The following PCF11 variants were observed in gnomAD, a reference collection of about 807,000 sequenced individuals.
PCF11 encodes the protein pre-mRNA cleavage complex 2 protein Pcf11.
PCF11 carries 19 observed loss-of-function variants against 166.1 expected under a neutral mutation model. The ratio of observed to expected loss-of-function variants is 0.11; its 90% CI spans 0.08 to 0.17. The LOEUF (loss-of-function observed/expected upper bound fraction) is 0.17, where lower values mean the gene tolerates loss of function less well. PCF11 is among the 10% of genes least tolerant of loss of function. The pLI, the probability that PCF11 is intolerant of heterozygous loss-of-function variation, is 1.00. For synonymous variants in PCF11, 663 were observed against 644.1 expected (o/e 1.03, Z -0.44); for missense variants, 1,565 against 1,855.5 (o/e 0.84, Z 2.88).
intron 1 of PCF11, 58 bp from the exon 2 acceptor site, chr11:83,161,269 T>C: frequency 7.0e-7 from 1 of 1,424,482 alleles, no homozygotes; most frequent in Non-Finnish European, 9.6e-7. Context: ...AACTCATTTT[T>C]AAATAATTAT....
At chr11:83,184,371 T>G in intron 15 of PCF11, 1 of 254,740 alleles carries the variant, frequency 3.9e-6, no homozygotes, top group Non-Finnish European at 7.4e-6. Context: ...CCAGGATATA[T>G]GTATGAGTTT....
chr11:83,169,680 A>G (rs1590929282), exon 8 of PCF11: 3 of 1,614,008 alleles, frequency 1.9e-6, no homozygotes, highest in Non-Finnish European at 2.5e-6. Flanking sequence ...AAGGCACAAG[A>G]TTTGACAATC....
chr11:83,166,728 A>AT lies in PCF11; in HGVS notation c.1817+18dup, dbSNP rs1171476564. 1 of 1,565,776 alleles carries AT rather than the reference A, an allele frequency of 6.4e-7. No homozygotes were observed. The highest frequency in any genetic ancestry group is 1.4e-5 in the African/African-American group (1 of 72,536). Reference sequence around the variant, plus strand: ...AGAAAATAAAAGGTATGATGTTAACATTTTAAGTCAAGTGTAGTAGTGTAT... The same window carrying AT: ...AGAAAATAAAAGGTATGATGTTAACATTTTTAAGTCAAGTGTAGTAGTGTAT... On this transcript the variant is annotated intron_variant, in intron 5 of 15. Transcript: ENST00000298281.
intron 14 of PCF11, 123 bp downstream of exon 14, chr11:83,182,614 G>T (rs61900269): frequency 1.5e-5 from 9 of 613,936 alleles, no homozygotes; most frequent in Non-Finnish European, 2.6e-5. Context: ...AATAAAAAGG[G>T]TATTGGACTT....
intron 9 of PCF11, 61 bp downstream of exon 9, chr11:83,171,975 T>C: frequency 1.2e-6 from 1 of 816,636 alleles, no homozygotes; most frequent in South Asian, 1.4e-5. Context: ...GTTGAATAGC[T>C]AACTTTGTGA....
chr11:83,179,428 T>G (rs921507349), intron 11 of PCF11, among the ~76,000 whole-genome samples: 3 of 151,994 alleles, frequency 2.0e-5, no homozygotes, highest in African/African-American at 7.2e-5. Flanking sequence ...TTTTGTATTT[T>G]TAGTAGAGAT....
At chr11:83,166,779 A>C in intron 5 of PCF11, 65 bp downstream of exon 5, 1 of 1,413,610 alleles carries the variant, frequency 7.1e-7, no homozygotes, top group Non-Finnish European at 9.6e-7. Flanking sequence ...GTGTTAATTT[A>C]AAAATTGGAA....
Position 83,182,022 on chromosome 11 carries a change from C to T in PCF11, c.4323+13C>T, listed in dbSNP as rs200215029. On this transcript the variant is annotated intron_variant, in intron 13 of 15. Transcript: ENST00000298281. ...TGGAGCAGTTGAGGTGAGAGAAGAA[C>T]GTTTAAGTTTTCTCACAGTGGGAGT... The T allele has an allele frequency of 1.3e-4, 211 of 1,586,904 alleles. 2 individuals are homozygous for T. Among genetic ancestry groups the T allele is most frequent in the African/African-American group, 6.7e-4 (49 of 73,204 alleles).
rs189850657 is a variant in PCF11, at chr11:83,170,385, C to A, written c.3660+390C>A. Among the ~76,000 whole-genome samples, 3 of 152,226 alleles carry A rather than the reference C, an allele frequency of 2.0e-5. No individual in the cohort carries two copies. The East Asian group carries it at 5.8e-4, about 29-fold the overall frequency. ...TAGAATTGATTGAACTGTTCTTTGA[C>A]CAAGAATTTCCTTAACCTGAGTTAA... On this transcript the variant is annotated intron_variant, in intron 8 of 15. Transcript: ENST00000298281.
chr11:83,186,098 A>G (rs538780425), exon 16 of PCF11: 77 of 152,292 alleles, frequency 5.1e-4, no homozygotes, highest in Non-Finnish European at 7.4e-4. Flanking sequence ...TAAAATTTTT[A>G]TAAGAATTTG....
chr11:83,161,100 G>A (rs1860234468), intron 1 of PCF11, among the ~76,000 whole-genome samples: 1 of 152,228 alleles, frequency 6.6e-6, no homozygotes, highest in East Asian at 1.9e-4. Flanking sequence ...GAGTATATTA[G>A]GGATTACAGC....
chr11:83,169,060 G>C, exon 8 of PCF11: 1 of 1,613,664 alleles, frequency 6.2e-7, no homozygotes, highest in Non-Finnish European at 8.5e-7. Flanking sequence ...TAATCCCCGA[G>C]GTCAGCCTGT....
rs1035080037 is a variant in PCF11 at position 83,183,121 on chromosome 11, T to C, written c.4452+48T>C. On this transcript the variant is annotated intron_variant, in intron 15 of 15. Transcript: ENST00000298281. ...ATTTGTTCTCATTTGCATTAATAAA[T>C]TTTACTTTTCAGTTTTTTTTTTGCA... The C allele has an allele frequency of 4.3e-6, 5 of 1,152,692 alleles. No individual in the cohort carries two copies. In the African/African-American group the frequency reaches 7.9e-5, roughly 18 times the overall value. The allele number at this position is 1,152,692 out of a possible 1,614,324, so 71.4% of individuals were successfully genotyped here.
At chr11:83,179,143 G>C (rs1251917211) in intron 11 of PCF11, among the ~76,000 whole-genome samples, 1 of 151,450 alleles carries the variant, frequency 6.6e-6, no homozygotes, top group Non-Finnish European at 1.5e-5. Context: ...TCACATAAAG[G>C]CTTTTAATAA....
At chr11:83,166,501 C>T (rs377138803) in exon 5 of PCF11, 5 of 1,613,898 alleles carry the variant, frequency 3.1e-6, no homozygotes, top group African/African-American at 2.7e-5. Flanking sequence ...GAAGAGTTTA[C>T]ACCACCTTCT....
At chr11:83,157,604 C>T in exon 1 of PCF11, 1 of 1,614,020 alleles carries the variant, frequency 6.2e-7, no homozygotes, top group Non-Finnish European at 8.5e-7. Flanking sequence ...AGGAGATCGT[C>T]TCTCTCATCG....
chr11:83,162,731 G>C (rs1374082518), intron 2 of PCF11, among the ~76,000 whole-genome samples: 1 of 152,110 alleles, frequency 6.6e-6, no homozygotes, highest in Non-Finnish European at 1.5e-5. Flanking sequence ...ATCTAACTCA[G>C]TTTTCCCAAG....
exon 5 of PCF11, chr11:83,165,854 G>T: frequency 6.2e-7 from 1 of 1,607,760 alleles, no homozygotes; most frequent in South Asian, 1.1e-5. Context: ...AATTTCTAAT[G>T]AACACATTAA....
intron 1 of PCF11, among the ~76,000 whole-genome samples, chr11:83,160,087 A>G (rs1456569130): frequency 1.3e-5 from 2 of 148,478 alleles, no homozygotes; most frequent in African/African-American, 4.9e-5. Flanking sequence ...ACCTTAAAAG[A>G]AATTTTTCAT....
Sources: gnomAD v4.1 joint callset for allele counts (sites outside exome capture counted in the v4.1 genomes callset) on GRCh38, gnomAD v4.1.1 for gene constraint, MANE v1.5 for transcripts, NCBI Gene and HGNC (gene_info 2026-07-23, HGNC 2026-07-21) for gene names.